TG: variants seen among roughly 807,000 people sequenced by gnomAD.
TG encodes thyroid hormones.
In TG, 270 loss-of-function variants were observed where a neutral mutation model predicts 324.7. The observed-to-expected ratio is 0.83, with a 90% CI of 0.75 to 0.92. The LOEUF (loss-of-function observed/expected upper bound fraction) is 0.92, where lower values mean the gene tolerates loss of function less well. TG is among the 40% of genes least tolerant of loss of function. The probability of loss-of-function intolerance (pLI) is 0.00; values close to 1 mark genes in which losing one functional copy is unlikely to be tolerated. For missense variants in TG, 3,591 were observed against 3,456.4 expected, an observed-to-expected ratio of 1.04 and a Z score of -0.98; for synonymous variants, 1,401 against 1,327.0, an observed-to-expected ratio of 1.06 and a Z score of -1.21.
At chr8:132,929,302 T>A (rs1204730438) in intron 23 of TG, 110 bp downstream of exon 23, 1 of 838,992 alleles carries the variant, frequency 1.2e-6, no homozygotes, top group East Asian at 2.6e-5. Context: ...TTTAAAAACA[T>A]ACTTTATCAA....
At chr8:133,007,509 A>G (rs1834126287) in intron 35 of TG, among the ~76,000 whole-genome samples, 1 of 152,134 alleles carries the variant, frequency 6.6e-6, no homozygotes, top group Admixed American at 6.5e-5. Context: ...CAGACTGAGT[A>G]TTTTAGTGGA....
chr8:133,126,910 A>AT (rs1851566122), intron 45 of TG, among the ~76,000 whole-genome samples: 1 of 152,078 alleles, frequency 6.6e-6, no homozygotes, highest in Non-Finnish European at 1.5e-5. Context: ...CTGGCTGGGG[A>AT]TAAAAAAAAG....
At chr8:132,947,438 G>A (rs1217063642) in intron 26 of TG, among the ~76,000 whole-genome samples, 1 of 152,174 alleles carries the variant, frequency 6.6e-6, no homozygotes, top group Non-Finnish European at 1.5e-5. Flanking sequence ...ACTGCTGCTG[G>A]TTTTTTAACT....
At chr8:133,105,546 T>C (rs1014366551) in intron 43 of TG, among the ~76,000 whole-genome samples, 2 of 152,258 alleles carry the variant, frequency 1.3e-5, no homozygotes, top group Non-Finnish European at 2.9e-5. Flanking sequence ...AGAACACATA[T>C]GGATGACGAA....
At chr8:132,898,063 A>G in intron 12 of TG, 106 bp from the exon 13 acceptor site, 1 of 1,168,584 alleles carries the variant, frequency 8.6e-7, no homozygotes, top group Non-Finnish European at 1.3e-6. Context: ...ACAGAAGGCG[A>G]CCAGGCTTGC....
intron 40 of TG, among the ~76,000 whole-genome samples, chr8:133,027,073 AG>A (rs2130971879): frequency 6.6e-6 from 1 of 152,292 alleles, no homozygotes; most frequent in Admixed American, 6.5e-5. Flanking sequence ...CTGGGACTGC[AG>A]CCGGCTGGTG....
chr8:132,896,390 A>G (rs1394420015), intron 11 of TG, among the ~76,000 whole-genome samples: 1 of 152,180 alleles, frequency 6.6e-6, no homozygotes. Flanking sequence ...TGTATCTGCA[A>G]GCTCTCTCGT....
chr8:133,021,876 C>T (rs547402808), intron 39 of TG, 115 bp from the exon 40 acceptor site: 13 of 1,312,242 alleles, frequency 9.9e-6, no homozygotes, highest in Admixed American at 5.3e-5. Flanking sequence ...CTGCATGGGG[C>T]TAAGTATGCC....
chr8:132,923,277 G>A, intron 21 of TG, 61 bp from the exon 22 acceptor site: 1 of 1,583,712 alleles, frequency 6.3e-7, no homozygotes, highest in Non-Finnish European at 8.7e-7. Flanking sequence ...GAGCCTGGGA[G>A]TAGGAGTCAG....
intron 35 of TG, among the ~76,000 whole-genome samples, chr8:133,010,007 T>A (rs1284266982): frequency 4.6e-5 from 7 of 152,156 alleles, no homozygotes; most frequent in African/African-American, 1.7e-4. Flanking sequence ...AAAGACAGGT[T>A]TAAGATAAAA....
chr8:133,004,068 C>G (rs1833805989), intron 35 of TG, among the ~76,000 whole-genome samples: 1 of 152,250 alleles, frequency 6.6e-6, no homozygotes, highest in South Asian at 2.1e-4. Context: ...GCTAGTCTAT[C>G]TGGTCACAGA....
chr8:132,983,268 C>A (rs1831114395), intron 34 of TG, 82 bp from the exon 35 acceptor site: 30 of 1,463,780 alleles, frequency 2.0e-5, no homozygotes, highest in Non-Finnish European at 2.8e-5. Flanking sequence ...CAATCACCAT[C>A]TTATACTTAT....
intron 35 of TG, among the ~76,000 whole-genome samples, chr8:133,011,003 T>C (rs757174487): frequency 6.6e-6 from 1 of 152,190 alleles, no homozygotes. Flanking sequence ...ATTTTCTTCA[T>C]ATATAAAGGA....
intron 41 of TG, chr8:133,048,042 A>G: frequency 1.6e-6 from 1 of 620,016 alleles, no homozygotes; most frequent in Non-Finnish European, 2.9e-6. Context: ...CCTCACCTCA[A>G]CCCACTGAGA....
At chr8:133,036,930 A>G (rs56229608) in intron 41 of TG, 13,885 of 152,468 alleles carry the variant, frequency 0.091, 804 homozygotes, top group Middle Eastern at 0.13. Flanking sequence ...CGGGAAGTCA[A>G]TGTCCACAGT....
At chr8:133,090,790 G>A (rs542039671) in intron 41 of TG, among the ~76,000 whole-genome samples, 2 of 152,266 alleles carry the variant, frequency 1.3e-5, no homozygotes, top group African/African-American at 4.8e-5. Context: ...TGGCAAAATG[G>A]CCATGGGCAG....
intron 20 of TG, among the ~76,000 whole-genome samples, chr8:132,918,074 T>G (rs1473706666): frequency 6.6e-6 from 1 of 151,982 alleles, no homozygotes; most frequent in Non-Finnish European, 1.5e-5. Flanking sequence ...AGGTTGACAG[T>G]AAGGCAGCCG....
intron 34 of TG, among the ~76,000 whole-genome samples, chr8:132,973,869 A>G (rs1829850931): frequency 6.6e-6 from 1 of 152,124 alleles, no homozygotes; most frequent in Non-Finnish European, 1.5e-5. Context: ...TATTAGTTTC[A>G]GAGTAAATAT....
intron 45 of TG, among the ~76,000 whole-genome samples, chr8:133,124,661 G>A (rs1851386998): frequency 6.6e-6 from 1 of 152,182 alleles, no homozygotes; most frequent in Non-Finnish European, 1.5e-5. Context: ...ATGTTAGGTA[G>A]CTAGGGTTAT....
Sources: allele counts gnomAD v4.1 joint callset (sites outside exome capture counted in the v4.1 genomes callset), GRCh38; gene constraint gnomAD v4.1.1; transcripts MANE v1.5; gene names NCBI Gene and HGNC (gene_info 2026-07-23, HGNC 2026-07-21).